The following TET1 variants were observed in gnomAD, a reference collection of about 807,000 sequenced individuals.
TET1 encodes tet methylcytosine dioxygenase 1.
TET1 carries 13 observed loss-of-function variants against 148.7 expected under a neutral mutation model. The ratio of observed to expected loss-of-function variants is 0.09; its 90% CI spans 0.06 to 0.14. The LOEUF (loss-of-function observed/expected upper bound fraction) is 0.14, where lower values mean the gene tolerates loss of function less well. TET1 is among the 10% of genes least tolerant of loss of function. The probability of loss-of-function intolerance (pLI) is 1.00; values close to 1 mark genes in which losing one functional copy is unlikely to be tolerated. For missense variants in TET1, 2,182 were observed against 2,553.8 expected (o/e 0.85, Z 3.14); for synonymous variants, 907 against 937.2 (o/e 0.97, Z 0.59).
chr10:68,575,685 AG>A, intron 2 of TET1, among the ~76,000 whole-genome samples: 1 of 142,404 alleles, frequency 7.0e-6, no homozygotes. Flanking sequence ...CTGGACAACA[AG>A]AGTGAAACTC....
At chr10:68,643,346 A>G (rs986952597) in intron 3 of TET1, among the ~76,000 whole-genome samples, 4 of 152,072 alleles carry the variant, frequency 2.6e-5, no homozygotes, top group African/African-American at 9.7e-5. Flanking sequence ...AAAATAACAC[A>G]ATGCCCATGT....
chr10:68,682,469 T>C (rs989003976), intron 9 of TET1, among the ~76,000 whole-genome samples: 9 of 152,184 alleles, frequency 5.9e-5, no homozygotes, highest in African/African-American at 2.2e-4. Context: ...GTTCATGAAA[T>C]GTATGTATAT....
rs60910358 is a variant in TET1 at position 68,612,418 on chromosome 10, G to A, written c.1968+11384G>A. ...CATTTTGTTTTAATGTGATCAGCAGGTACTAGGACCCAATTCTATAATCCC... is the reference window on the plus strand; with the variant it reads ...CATTTTGTTTTAATGTGATCAGCAGATACTAGGACCCAATTCTATAATCCC... On this transcript the variant is annotated intron_variant, in intron 3 of 11. Coordinates refer to ENST00000373644, the MANE Select transcript of TET1 (RefSeq NM_030625.3). 4.9e-3 allele frequency among the ~76,000 whole-genome samples: 743 copies of A among 152,010 alleles called. 4 individuals carry two copies. Among genetic ancestry groups the A allele is most frequent in the African/African-American group, 0.017 (705 of 41,488 alleles).
chr10:68,627,400 T>C (rs1173349161), intron 3 of TET1, among the ~76,000 whole-genome samples: 3 of 141,492 alleles, frequency 2.1e-5, no homozygotes, highest in Non-Finnish European at 4.7e-5. Flanking sequence ...ACAGCAAGAT[T>C]CTGTCTCCGA....
At chr10:68,614,004 A>C (rs2054254701) in intron 3 of TET1, among the ~76,000 whole-genome samples, 1 of 151,954 alleles carries the variant, frequency 6.6e-6, no homozygotes, top group Non-Finnish European at 1.5e-5. Flanking sequence ...TTATTTGCTG[A>C]TTAAGATAAG....
intron 7 of TET1, among the ~76,000 whole-genome samples, chr10:68,667,602 G>C (rs1038796296): frequency 1.3e-4 from 19 of 151,976 alleles, no homozygotes; most frequent in Non-Finnish European, 5.9e-5. Context: ...AAATTAGCCG[G>C]GCGTGGTGGC....
intron 10 of TET1, among the ~76,000 whole-genome samples, chr10:68,685,642 C>CT (rs1171003223): frequency 1.3e-5 from 2 of 151,910 alleles, no homozygotes; most frequent in Non-Finnish European, 2.9e-5. Context: ...ACTATAGTGC[C>CT]TATAGTTCTG....
intron 7 of TET1, among the ~76,000 whole-genome samples, chr10:68,669,848 A>G (rs1285706321): frequency 6.6e-6 from 1 of 151,606 alleles, no homozygotes; most frequent in Non-Finnish European, 1.5e-5. Context: ...TATTTTTAGT[A>G]GAGACGAGGT....
In TET1 at chr10:68,692,607, T is replaced by G; in HGVS notation, c.*793T>G. 4.3e-6 allele frequency: 1 copy of G among 232,522 alleles called. No individual in the cohort carries two copies. The highest frequency in any genetic ancestry group is 5.6e-5 in the Admixed American group (1 of 17,780). 14.4% of individuals were successfully genotyped at this position (232,522 alleles called of 1,614,324 possible). On this transcript the variant is annotated 3_prime_UTR_variant, in exon 12 of 12. Transcript: ENST00000373644. ...GTATATGGTTTGTGTTCTTTTACTG[T>G]GTCCTCTCACATTCAAGTATTAGCA...
chr10:68,594,663 A>G (rs1356889440), intron 2 of TET1, among the ~76,000 whole-genome samples: 4 of 152,150 alleles, frequency 2.6e-5, no homozygotes, highest in African/African-American at 9.7e-5. Context: ...CACAGGAAAT[A>G]AAACCAAACT....
intron 2 of TET1, among the ~76,000 whole-genome samples, chr10:68,591,541 G>A (rs72797579): frequency 2.6e-5 from 4 of 152,104 alleles, no homozygotes; most frequent in East Asian, 1.9e-4. Flanking sequence ...TGTGAGACTC[G>A]AGTAAATGAA....
rs149909603 is a variant in TET1, at chr10:68,651,144, G to A, written c.4277-702G>A. On this transcript the variant is annotated intron_variant, in intron 4 of 11. Coordinates refer to ENST00000373644, the MANE Select transcript of TET1 (RefSeq NM_030625.3). ...TGATATTACAAATAATTGTAACAAGGAACATTCTTTTGTAATTGTGCAAAT... is the reference window on the plus strand; with the variant it reads ...TGATATTACAAATAATTGTAACAAGAAACATTCTTTTGTAATTGTGCAAAT... Among the ~76,000 whole-genome samples the A allele has an allele frequency of 4.8e-3, 736 of 152,192 alleles. 4 individuals are homozygous for A. Among genetic ancestry groups the A allele is most frequent in the Middle Eastern group, 0.014 (4 of 294 alleles).
At chr10:68,586,104 G>A (rs2053858017) in intron 2 of TET1, among the ~76,000 whole-genome samples, 1 of 152,106 alleles carries the variant, frequency 6.6e-6, no homozygotes. Flanking sequence ...GAACCTCTGG[G>A]CTCAAGGGAT....
intron 3 of TET1, among the ~76,000 whole-genome samples, chr10:68,629,038 T>A (rs1209288732): frequency 6.6e-6 from 1 of 152,218 alleles, no homozygotes; most frequent in Non-Finnish European, 1.5e-5. Flanking sequence ...TTCATCGTTT[T>A]GGTATCCCTG....
chr10:68,659,433 C>T (rs2055073139), intron 6 of TET1, among the ~76,000 whole-genome samples: 1 of 152,092 alleles, frequency 6.6e-6, no homozygotes, highest in Admixed American at 6.6e-5. Flanking sequence ...ATTCTCCAGC[C>T]TCAGCCTCTC....
intron 3 of TET1, among the ~76,000 whole-genome samples, chr10:68,620,861 C>T (rs966117307): frequency 2.0e-5 from 3 of 152,174 alleles, no homozygotes; most frequent in Non-Finnish European, 4.4e-5. Flanking sequence ...AAATTTTAGC[C>T]TCCTAGTGGG....
intron 6 of TET1, among the ~76,000 whole-genome samples, chr10:68,666,224 A>G (rs999750021): frequency 7.7e-6 from 1 of 130,232 alleles, no homozygotes; most frequent in African/African-American, 2.8e-5. Context: ...AAATAAACAA[A>G]TAAATATTTA....
At chr10:68,583,956 T>G (rs2053830779) in intron 2 of TET1, among the ~76,000 whole-genome samples, 2 of 151,982 alleles carry the variant, frequency 1.3e-5, no homozygotes, top group South Asian at 4.1e-4. Context: ...AGCCCTGGAT[T>G]AGGGGGTGCT....
intron 3 of TET1, among the ~76,000 whole-genome samples, chr10:68,640,221 C>G (rs896754489): frequency 6.6e-6 from 1 of 150,846 alleles, no homozygotes; most frequent in Non-Finnish European, 1.5e-5. Context: ...GCTGACATGC[C>G]CTGTCTGTCA....
Sources: allele counts gnomAD v4.1 joint callset (sites outside exome capture counted in the v4.1 genomes callset), GRCh38; gene constraint gnomAD v4.1.1; transcripts MANE v1.5; gene names NCBI Gene and HGNC (gene_info 2026-07-23, HGNC 2026-07-21).